MIA3: variants seen among roughly 807,000 people sequenced by gnomAD.
MIA3 encodes transport and Golgi organization protein 1 homolog.
MIA3 carries 90 observed loss-of-function variants against 192.4 expected under a neutral mutation model. The observed-to-expected ratio is 0.47, with a 90% CI of 0.39 to 0.56. MIA3 has a LOEUF of 0.56. Among genes scored for constraint, MIA3 ranks in the 20% least tolerant of loss-of-function variants. The pLI is 0.00. For synonymous variants in MIA3, 740 were observed against 792.8 expected, an observed-to-expected ratio of 0.93 and a Z score of 1.12; for missense variants, 2,123 against 2,269.4, an observed-to-expected ratio of 0.94 and a Z score of 1.31.
At chr1:222,625,315 A>G (rs115924445) in intron 3 of MIA3, among the ~76,000 whole-genome samples, 27 of 152,308 alleles carry the variant, frequency 1.8e-4, no homozygotes, top group Non-Finnish European at 2.9e-4. Context: ...AAGGCCGTGT[A>G]CTCTTATACA....
chr1:222,630,533 C>T, intron 4 of MIA3, 144 bp downstream of exon 4: 1 of 749,298 alleles, frequency 1.3e-6, no homozygotes, highest in Non-Finnish European at 2.0e-6. Flanking sequence ...ATGTTCCTTC[C>T]TGCCATCTTT....
chr1:222,641,684 A>G, intron 6 of MIA3: 1 of 547,030 alleles, frequency 1.8e-6, no homozygotes, highest in South Asian at 1.4e-5. Context: ...GGGAGGAGTA[A>G]TTCTCTTCCC....
intron 18 of MIA3, among the ~76,000 whole-genome samples, chr1:222,658,443 A>G (rs975837776): frequency 6.6e-6 from 1 of 152,232 alleles, no homozygotes; most frequent in African/African-American, 2.4e-5. Flanking sequence ...AAAAGTGAGC[A>G]TCATTTCAAC....
At chr1:222,626,878 T>C (rs1662143484) in intron 3 of MIA3, among the ~76,000 whole-genome samples, 1 of 152,210 alleles carries the variant, frequency 6.6e-6, no homozygotes, top group Non-Finnish European at 1.5e-5. Context: ...TCTGCCTGTT[T>C]CTGACTGGGT....
chr1:222,646,677 G>T (rs1663164023), intron 7 of MIA3, among the ~76,000 whole-genome samples: 1 of 152,042 alleles, frequency 6.6e-6, no homozygotes, highest in African/African-American at 2.4e-5. Flanking sequence ...GCTTGAACTG[G>T]GGAAGCAGAT....
At chr1:222,639,561 C>T (rs1351597297) in intron 6 of MIA3, among the ~76,000 whole-genome samples, 2 of 152,002 alleles carry the variant, frequency 1.3e-5, no homozygotes, top group Non-Finnish European at 2.9e-5. Context: ...GGGTTAACAT[C>T]AAGAATACAA....
intron 18 of MIA3, among the ~76,000 whole-genome samples, chr1:222,656,103 G>A (rs1445069169): frequency 6.6e-6 from 1 of 151,052 alleles, no homozygotes; most frequent in Non-Finnish European, 1.5e-5. Context: ...CCGAGTAGCT[G>A]GGACTACAGG....
In MIA3 at chr1:222,645,678, T is replaced by C; in HGVS notation, c.3602T>C (p.Val1201Ala). The change falls in exon 7 of 28, where the codon GTC becomes GCC. Residue 1201 changes from valine to alanine, a missense_variant. Val to Ala is a moderately conservative substitution (Grantham distance 64). This residue lies in a region of MIA3 where 762 missense variants were observed against 856.4 expected (regional missense o/e 0.89). Coordinates refer to ENST00000344922, the MANE Select transcript of MIA3 (RefSeq NM_198551.4). ...TTTGCCATTTTCTTATGGAGAACTG[T>C]CCTTGTTGTGAGTAAATTAATGCAT... ...ASFAIFLWRT[V>A]LVVKDRVYQV... The C allele has an allele frequency of 6.2e-7, 1 of 1,613,598 alleles. No individual in the cohort carries two copies. The highest frequency in any genetic ancestry group is 1.1e-5 in the South Asian group (1 of 90,944).
intron 7 of MIA3, among the ~76,000 whole-genome samples, chr1:222,647,663 T>C (rs538904768): frequency 3.7e-4 from 57 of 152,338 alleles, no homozygotes; most frequent in African/African-American, 1.3e-3. Flanking sequence ...AAAAAAATTC[T>C]AACGCCTTTT....
At chr1:222,654,093 C>T (rs1224719052) in intron 15 of MIA3, 150 bp from the exon 16 acceptor site, 11 of 691,476 alleles carry the variant, frequency 1.6e-5, no homozygotes, top group Non-Finnish European at 2.7e-5. Flanking sequence ...GTTTGCAGTT[C>T]TCTTAAAAGT....
chr1:222,667,503 T>C lies in MIA3; in HGVS notation c.*1884T>C, dbSNP rs551318428. 1 of 152,330 alleles carries C rather than the reference T, an allele frequency of 6.6e-6. No homozygotes were observed. Among genetic ancestry groups the C allele is most frequent in the African/African-American group, 2.4e-5 (1 of 41,570 alleles). The allele number at this position is 152,330 out of a possible 1,614,324, so 9.4% of individuals were successfully genotyped here. ...TTAAATCTATTTTTAAAATTCAAAA[T>C]ATTAGAGTATTTTTCCCCTCTAAAG... On this transcript the variant is annotated 3_prime_UTR_variant, in exon 28 of 28. Coordinates refer to ENST00000344922, the MANE Select transcript of MIA3 (RefSeq NM_198551.4).
Position 222,627,901 on chromosome 1 carries a change from T to G in MIA3, c.681T>G (p.Phe227Leu), listed in dbSNP as rs781372220. 1 of 1,614,076 alleles carries G rather than the reference T, an allele frequency of 6.2e-7. No individual in the cohort carries two copies. The highest frequency in any genetic ancestry group is 1.7e-5 in the Admixed American group (1 of 60,026). Residue 227 changes from phenylalanine (F) to leucine (L), a missense_variant, in exon 4 of 28, where the codon TTT becomes TTG. This residue lies in a region of MIA3 where 1,357 missense variants were observed against 1,396.1 expected (regional missense o/e 0.97). Coordinates refer to ENST00000344922, the MANE Select transcript of MIA3 (RefSeq NM_198551.4). Reference sequence around the variant, plus strand: ...ATGCTCAGGGAGAGCAGGCTTCATTTGAATCTTTTGAAGAAATGCTGCAAG... The same window carrying G: ...ATGCTCAGGGAGAGCAGGCTTCATTGGAATCTTTTGAAGAAATGCTGCAAG... Reference protein sequence around the residue: ...ANHAQGEQASFESFEEMLQDK... With the variant: ...ANHAQGEQASLESFEEMLQDK...
At chr1:222,646,609 G>A (rs879882826) in intron 7 of MIA3, among the ~76,000 whole-genome samples, 1 of 151,636 alleles carries the variant, frequency 6.6e-6, no homozygotes, top group Non-Finnish European at 1.5e-5. Flanking sequence ...AAACTTAGCC[G>A]GGGGTGGTGG....
At chr1:222,653,704 C>T (rs374126007) in intron 15 of MIA3, among the ~76,000 whole-genome samples, 26 of 152,278 alleles carry the variant, frequency 1.7e-4, no homozygotes, top group East Asian at 7.7e-4. Context: ...AGGCCCACAA[C>T]TGGTTTTAAG....
intron 2 of MIA3, among the ~76,000 whole-genome samples, chr1:222,623,464 G>A (rs1421397823): frequency 6.6e-6 from 1 of 151,878 alleles, no homozygotes; most frequent in Non-Finnish European, 1.5e-5. Flanking sequence ...CTTATTCTTA[G>A]GAAATTAAAA....
In MIA3 at chr1:222,667,315, T is replaced by C. The variant is rs536631727; in HGVS notation, c.*1696T>C. ...CTCCACAGAAGAGCATAGGCCACTT[T>C]TAGCCATGTAAAAATAAGATTAAGT... On this transcript the variant is annotated 3_prime_UTR_variant, in exon 28 of 28. Coordinates refer to ENST00000344922, the MANE Select transcript of MIA3 (RefSeq NM_198551.4). The C allele has an allele frequency of 1.3e-5, 2 of 152,204 alleles. No individual in the cohort carries two copies. The highest frequency in any genetic ancestry group is 3.8e-4 in the East Asian group (2 of 5,200). 9.4% of individuals were successfully genotyped at this position (152,204 alleles called of 1,614,324 possible). A position where few individuals can be genotyped will look rare whatever the true frequency, so the allele number is the denominator to read the frequency against.
Position 222,653,292 on chromosome 1 carries a change from A to G in MIA3, c.4274A>G (p.Asn1425Ser), listed in dbSNP as rs1663540118. Residue 1425 changes from asparagine (N) to serine (S), a missense_variant, in exon 15 of 28, where the codon AAT becomes AGT. Transcript: ENST00000344922. ...LECESESEGQ[N>S]KGGNDSDELA... Reference sequence around the variant, plus strand: ...TGTGAATCTGAATCTGAGGGTCAAAATAAAGGTGGAAATGATTCAGATGAA... The same window carrying G: ...TGTGAATCTGAATCTGAGGGTCAAAGTAAAGGTGGAAATGATTCAGATGAA... The G allele has an allele frequency of 6.2e-7, 1 of 1,613,938 alleles. No individual in the cohort carries two copies. Among genetic ancestry groups the G allele is most frequent in the African/African-American group, 1.3e-5 (1 of 74,948 alleles).
At position 222,633,115 on chromosome 1, in the gene MIA3, A is replaced by G. The variant is rs1476701853; in HGVS notation, c.3343A>G (p.Thr1115Ala). 6.3e-7 allele frequency: 1 copy of G among 1,598,982 alleles called. No homozygotes were observed. The highest frequency in any genetic ancestry group is 1.8e-5 in the Admixed American group (1 of 55,514). ...CCTCCCAATTCCAGGGCCAGTTACA[A>G]CAGAAGACACTCCTATGGATGCTAT... ...EKDLDPGPVT[T>A]EDTPMDAIDA... is the part of the protein sequence containing the mutation. Residue 1115 changes from threonine (T) to alanine (A), a missense_variant, in exon 6 of 28, where the codon ACA becomes GCA. Thr to Ala is a moderately conservative substitution (Grantham distance 58). Transcript: ENST00000344922.
chr1:222,621,113 T>A (rs2133186), intron 1 of MIA3, 46 bp from the exon 2 acceptor site: 121,876 of 1,530,014 alleles, frequency 0.08, 5,317 homozygotes, highest in Non-Finnish European at 0.087. Flanking sequence ...CTGTGAACAC[T>A]GAATCCTGAT....
Sources: gnomAD v4.1 joint callset for allele counts (sites outside exome capture counted in the v4.1 genomes callset) on GRCh38, gnomAD v4.1.1 for gene constraint, gnomAD v4.1.1 regional missense constraint, MANE v1.5 for transcripts, NCBI Gene and HGNC (gene_info 2026-07-23, HGNC 2026-07-21) for gene names.